The following C19orf38 variants were observed in gnomAD, a reference collection of about 807,000 sequenced individuals.
The protein encoded by C19orf38 is protein HIDE1.
A neutral mutation model predicts 26.6 loss-of-function variants in C19orf38; 14 were observed. That is an observed-to-expected ratio of 0.53 (90% CI 0.35 to 0.82). The LOEUF (loss-of-function observed/expected upper bound fraction) is 0.82, where lower values mean the gene tolerates loss of function less well. C19orf38 is among the 40% of genes least tolerant of loss of function. The pLI is 0.01. For synonymous variants in C19orf38, 132 were observed against 128.5 expected (o/e 1.03, Z -0.18); for missense variants, 261 against 299.5 (o/e 0.87, Z 0.95).
At chr19:10,847,766 AC>A (rs2146247456), upstream of C19orf38, among the ~76,000 whole-genome samples, 1 of 152,152 alleles carries the variant, frequency 6.6e-6, no homozygotes, top group African/African-American at 2.4e-5. Flanking sequence ...AGCCCTAACC[AC>A]CATGTCCTCC....
chr19:10,854,251 A>G (rs532019198), intron 2 of C19orf38, among the ~76,000 whole-genome samples: 1 of 151,688 alleles, frequency 6.6e-6, no homozygotes, highest in Non-Finnish European at 1.5e-5. Context: ...TTTAGTAGAG[A>G]TGGGGTTTCA....
chr19:10,854,307 G>T (rs1420692573), intron 2 of C19orf38, among the ~76,000 whole-genome samples: 3 of 152,042 alleles, frequency 2.0e-5, no homozygotes, highest in South Asian at 4.2e-4. Context: ...CAAGTGATCC[G>T]CCCACATCGG....
chr19:10,866,123 C>A (rs1034620235), intron 6 of C19orf38, among the ~76,000 whole-genome samples: 5 of 151,482 alleles, frequency 3.3e-5, no homozygotes, highest in Non-Finnish European at 5.9e-5. Context: ...ACTGCAACCT[C>A]CCCCCCTGGG....
At chr19:10,857,351 TATATATATATATATA>T (rs2073637107) in intron 3 of C19orf38, among the ~76,000 whole-genome samples, 2 of 77,802 alleles carry the variant, frequency 2.6e-5, no homozygotes, top group Admixed American at 1.2e-4. Flanking sequence ...TATATATATA[TATATATATATATATA>T]TTTTTTTTTT....
intron 2 of C19orf38, among the ~76,000 whole-genome samples, chr19:10,851,974 CAAAAA>C (rs903489432): frequency 2.1e-5 from 1 of 48,544 alleles, no homozygotes; most frequent in East Asian, 6.3e-4. Context: ...GACTCCGTCT[CAAAAA>C]AAAAAAAAAA....
chr19:10,841,931 A>G, intron 1 of C19orf38: 1 of 1,608,224 alleles, frequency 6.2e-7, no homozygotes, highest in Non-Finnish European at 8.5e-7. Flanking sequence ...AACTCCTAGG[A>G]TTTGTCACGA....
upstream of C19orf38, among the ~76,000 whole-genome samples, chr19:10,844,284 T>A (rs190176251): frequency 1.7e-4 from 25 of 149,524 alleles, no homozygotes; most frequent in Admixed American, 1.6e-3. Context: ...ACACGTGTAA[T>A]CCCCGCTACT....
rs1214955666 is a variant in C19orf38, at chr19:10,848,537, C to G, written c.29C>G (p.Ala10Gly). MPWTILLFA[A>G]GSLAIPAPSI... ...CCCTGGACCATCTTGCTCTTTGCAG[C>G]TGGTGAGTCTGAAGCCCCCCTCTCA... The change falls in exon 1 of 7, where the codon GCT (alanine) becomes GGT (glycine). Residue 10 changes from alanine to glycine, a missense_variant and splice_region_variant. Ala to Gly is a moderately conservative substitution (Grantham distance 60). Coordinates refer to ENST00000397820, the MANE Select transcript of C19orf38 (RefSeq NM_001136482.3). 1.2e-5 allele frequency: 18 copies of G among 1,551,494 alleles called. No individual in the cohort carries two copies. Among genetic ancestry groups the G allele is most frequent in the Non-Finnish European group, 1.5e-5 (17 of 1,146,902 alleles).
Position 10,851,285 on chromosome 19 carries a change from C to T in C19orf38, c.340+718C>T, listed in dbSNP as rs1599661293. Among the ~76,000 whole-genome samples the T allele has an allele frequency of 4.6e-5, 7 of 150,970 alleles. No homozygotes were observed. In the South Asian group the frequency reaches 1.3e-3, roughly 27 times the overall value. On this transcript the variant is annotated intron_variant, in intron 2 of 6. Coordinates refer to ENST00000397820, the MANE Select transcript of C19orf38 (RefSeq NM_001136482.3). ...GCCAGGCCAGTCTCGAACCCCTGAC[C>T]TCATGATCCGCCTACCTCAGCCTCC...
In C19orf38 at chr19:10,857,315, T is replaced by C. The variant is rs1048726149; in HGVS notation, c.433+958T>C. Among the ~76,000 whole-genome samples the C allele has an allele frequency of 1.3e-4, 17 of 133,072 alleles. 1 individual carries two copies. The highest frequency in any genetic ancestry group is 4.7e-4 in the African/African-American group (16 of 34,232). The allele number at this position is 133,072 out of a possible 152,430, so 87.3% of individuals were successfully genotyped here. ...ATGTATATATATATGTGTGTATATATATACATACACACACACACACATACA... is the reference window on the plus strand; with the variant it reads ...ATGTATATATATATGTGTGTATATACATACATACACACACACACACATACA... On this transcript the variant is annotated intron_variant, in intron 3 of 6. Transcript: ENST00000397820.
chr19:10,851,831 G>A lies in C19orf38; in HGVS notation c.340+1264G>A, dbSNP rs1054744467. The stretch of plus-strand genomic sequence containing the variant: ...AAAATACAAAAAATTAGCCGGGCGC[G>A]GTGGCGGGCACCTGTAGTCCCAGCT... On this transcript the variant is annotated intron_variant, in intron 2 of 6. Transcript: ENST00000397820. Among the ~76,000 whole-genome samples the A allele has an allele frequency of 1.2e-4, 18 of 152,070 alleles. No individual in the cohort carries two copies. In the East Asian group the frequency reaches 2.9e-3, roughly 25 times the overall value.
chr19:10,861,941 C>G (rs1171432616), intron 5 of C19orf38, among the ~76,000 whole-genome samples: 1 of 151,982 alleles, frequency 6.6e-6, no homozygotes, highest in Non-Finnish European at 1.5e-5. Context: ...CTCTGTCGCC[C>G]AGGCTGGAGT....
chr19:10,865,766 C>T (rs933944882), intron 6 of C19orf38, among the ~76,000 whole-genome samples: 3 of 152,286 alleles, frequency 2.0e-5, no homozygotes, highest in Admixed American at 6.5e-5. Flanking sequence ...TTAGCAGCTG[C>T]ACGTGGCAAA....
At chr19:10,837,372 T>A (rs1431018994) in intron 1 of C19orf38, among the ~76,000 whole-genome samples, 1 of 152,150 alleles carries the variant, frequency 6.6e-6, no homozygotes, top group African/African-American at 2.4e-5. Context: ...CTCTTTGTAA[T>A]ATCAGTTTGG....
chr19:10,859,443 C>T (rs1306502308), intron 4 of C19orf38, among the ~76,000 whole-genome samples: 70 of 142,508 alleles, frequency 4.9e-4, no homozygotes, highest in African/African-American at 1.8e-3. Flanking sequence ...AGTACAGTGG[C>T]GCAATCTCGG....
intron 1 of C19orf38, among the ~76,000 whole-genome samples, chr19:10,849,541 C>G (rs990785774): frequency 1.8e-4 from 28 of 152,038 alleles, no homozygotes; most frequent in African/African-American, 6.3e-4. Context: ...AATTAGCTAG[C>G]CAGGTTCACC....
chr19:10,851,192 T>C (rs2073568734), intron 2 of C19orf38, among the ~76,000 whole-genome samples: 1 of 152,150 alleles, frequency 6.6e-6, no homozygotes, highest in Non-Finnish European at 1.5e-5. Flanking sequence ...TATCTGGGAT[T>C]ACAGGTGTGT....
At chr19:10,847,012 GA>G (rs1784448417), upstream of C19orf38, among the ~76,000 whole-genome samples, 1 of 152,122 alleles carries the variant, frequency 6.6e-6, no homozygotes, top group African/African-American at 2.4e-5. Flanking sequence ...TGTGTCCAAA[GA>G]AAAAAGTTTA....
intron 6 of C19orf38, among the ~76,000 whole-genome samples, chr19:10,866,240 C>T (rs1051947121): frequency 6.7e-6 from 1 of 149,424 alleles, no homozygotes; most frequent in Non-Finnish European, 1.5e-5. Flanking sequence ...CTCGCTCTGT[C>T]ACCAGGCTGG....
Sources: gnomAD v4.1 joint callset for allele counts (sites outside exome capture counted in the v4.1 genomes callset) on GRCh38, gnomAD v4.1.1 for gene constraint, MANE v1.5 for transcripts, NCBI Gene and HGNC (gene_info 2026-07-23, HGNC 2026-07-21) for gene names.